Variants in WDR25 observed in about 807,000 individuals in gnomAD.
The protein encoded by WDR25 is WD repeat-containing protein 25.
Under a neutral mutation model 47.7 loss-of-function variants are expected in WDR25, and 35 were observed. The observed-to-expected ratio is 0.73, with a 90% CI of 0.56 to 0.97. WDR25 has a LOEUF of 0.97. Ranked by LOEUF, WDR25 falls within the 50% of genes least tolerant of loss-of-function variation. The pLI is 0.00. For synonymous variants in WDR25, 248 were observed against 278.9 expected (o/e 0.89, Z 1.10); for missense variants, 634 against 704.7 (o/e 0.90, Z 1.14).
intron 2 of WDR25, among the ~76,000 whole-genome samples, chr14:100,467,388 C>A (rs1899669315): frequency 6.6e-6 from 1 of 152,054 alleles, no homozygotes; most frequent in African/African-American, 2.4e-5. Context: ...CGCAGGTGAG[C>A]CTGGGATAGG....
rs888541156 is a variant in WDR25 at position 100,450,281 on chromosome 14, A to G, written c.823-17740A>G. ...CGCCAGTCCCCCAGGCTGTGTGACT[A>G]TGCCTTGCTCAGGCCCTCCCCACCT... On this transcript the variant is annotated intron_variant, in intron 2 of 6. Transcript: ENST00000402312. Among the ~76,000 whole-genome samples, 11 of 152,262 alleles carry G rather than the reference A, an allele frequency of 7.2e-5. No homozygotes were observed. The South Asian group carries it at 2.3e-3, about 32-fold the overall frequency.
In WDR25 at chr14:100,498,156, T is replaced by C. The variant is rs749952014; in HGVS notation, c.1101+14032T>C. 3.0e-4 allele frequency among the ~76,000 whole-genome samples: 45 copies of C among 152,238 alleles called. No individual in the cohort carries two copies. The highest frequency in any genetic ancestry group is 3.7e-4 in the Non-Finnish European group (25 of 68,044). On this transcript the variant is annotated intron_variant, in intron 4 of 6. Transcript: ENST00000402312. The surrounding 1 kb of genome is among the most constrained non-coding windows in gnomAD (Gnocchi z 4.2). ...GGCTGTGTGATTTTAAGCACACGGA[T>C]GTTCCATGTACCCTGTCAGTGGGCA...
In WDR25 at chr14:100,468,287, C is replaced by T. The variant is rs1360982254; in HGVS notation, c.970+119C>T. ...TTGCGTGGCAGAGGGAGAGGGGCCT[C>T]AGGGTGGGCTCGTGCTCGGTGAGAG... On this transcript the variant is annotated intron_variant, in intron 3 of 6. Coordinates refer to ENST00000402312, the MANE Select transcript of WDR25 (RefSeq NM_001161476.3). This position sits in a 1 kb window ranked among gnomAD's most constrained non-coding sequence, Gnocchi z 4.5. The T allele has an allele frequency of 2.8e-6, 4 of 1,443,696 alleles. No individual in the cohort carries two copies. The highest frequency in any genetic ancestry group is 3.7e-6 in the Non-Finnish European group (4 of 1,080,646). 89.4% of individuals were successfully genotyped at this position (1,443,696 alleles called of 1,614,324 possible).
At chr14:100,421,322 C>T (rs1214858720) in intron 2 of WDR25, among the ~76,000 whole-genome samples, 2 of 152,126 alleles carry the variant, frequency 1.3e-5, no homozygotes, top group Non-Finnish European at 2.9e-5. Context: ...TATTGGTCCC[C>T]CAGTCAGTCT....
rs564883595 is a variant in WDR25 at position 100,387,837 on chromosome 14, G to T, written c.822+6091G>T. 2.0e-5 allele frequency among the ~76,000 whole-genome samples: 3 copies of T among 152,348 alleles called. No individual in the cohort carries two copies. In the South Asian group the frequency reaches 6.2e-4, roughly 32 times the overall value. On this transcript the variant is annotated intron_variant, in intron 2 of 6. Transcript: ENST00000402312. ...CAGGTGGTGTCCAAGCTCTATCCCAGCTTCCAAATTTTGTGGTTCTGTTAA... is the reference window on the plus strand; with the variant it reads ...CAGGTGGTGTCCAAGCTCTATCCCATCTTCCAAATTTTGTGGTTCTGTTAA...
At position 100,502,204 on chromosome 14, in the gene WDR25, G is replaced by A. The variant is rs959733966; in HGVS notation, c.1101+18080G>A. On this transcript the variant is annotated intron_variant, in intron 4 of 6. Transcript: ENST00000402312. The surrounding 1 kb of genome is among the most constrained non-coding windows in gnomAD (Gnocchi z 4.5). Reference sequence around the variant, plus strand: ...TGCAGGCAGAGCCCCCCACTGTGGTGGCCCTTGCCCTCCCACTCAGCTCTG... The same window carrying A: ...TGCAGGCAGAGCCCCCCACTGTGGTAGCCCTTGCCCTCCCACTCAGCTCTG... 2.0e-5 allele frequency among the ~76,000 whole-genome samples: 3 copies of A among 152,158 alleles called. No homozygotes were observed. The highest frequency in any genetic ancestry group is 4.4e-5 in the Non-Finnish European group (3 of 68,002).
At chr14:100,512,163 C>T (rs550461610) in intron 4 of WDR25, among the ~76,000 whole-genome samples, 31 of 152,004 alleles carry the variant, frequency 2.0e-4, no homozygotes, top group Middle Eastern at 3.2e-3. Context: ...TGGAAGACTT[C>T]GTGTAAAAAT....
intron 2 of WDR25, among the ~76,000 whole-genome samples, chr14:100,432,804 G>A (rs1898377507): frequency 6.6e-6 from 1 of 152,204 alleles, no homozygotes; most frequent in Non-Finnish European, 1.5e-5. Context: ...TGAGAAATGC[G>A]TTGTTAGACA....
chr14:100,395,447 A>G (rs1174495261), intron 2 of WDR25, among the ~76,000 whole-genome samples: 1 of 152,162 alleles, frequency 6.6e-6, no homozygotes, highest in Non-Finnish European at 1.5e-5. Flanking sequence ...CAGCATCCGT[A>G]TGCCCCCTTT....
At chr14:100,441,474 G>A (rs946170048) in intron 2 of WDR25, among the ~76,000 whole-genome samples, 14 of 152,160 alleles carry the variant, frequency 9.2e-5, no homozygotes, top group African/African-American at 2.9e-4. Flanking sequence ...GAGCTCTCCA[G>A]GCAGATGCTG....
chr14:100,419,437 ACC>A (rs1375740432), intron 2 of WDR25, among the ~76,000 whole-genome samples: 3 of 152,076 alleles, frequency 2.0e-5, no homozygotes, highest in African/African-American at 7.2e-5. Context: ...GCAGATGATG[ACC>A]TTATTAACTA....
intron 2 of WDR25, among the ~76,000 whole-genome samples, chr14:100,405,871 T>C (rs537443150): frequency 6.6e-6 from 1 of 152,304 alleles, no homozygotes; most frequent in African/African-American, 2.4e-5. Flanking sequence ...TCTCTGTAAC[T>C]GGCCATTTGG....
intron 2 of WDR25, among the ~76,000 whole-genome samples, chr14:100,409,835 T>C (rs941145149): frequency 6.6e-6 from 1 of 152,210 alleles, no homozygotes; most frequent in Non-Finnish European, 1.5e-5. Context: ...AGTTAATAAA[T>C]TGCCTCTCGC....
At chr14:100,413,998 AT>A (rs34471579) in intron 2 of WDR25, among the ~76,000 whole-genome samples, 42,132 of 139,966 alleles carry the variant, frequency 0.3, 6,923 homozygotes, top group African/African-American at 0.49. Context: ...GAGGTAGTTC[AT>A]TTTTTTTTTT....
intron 2 of WDR25, among the ~76,000 whole-genome samples, chr14:100,465,836 G>T (rs1899611307): frequency 6.6e-6 from 1 of 152,152 alleles, no homozygotes; most frequent in South Asian, 2.1e-4. Flanking sequence ...AGTGGACAAG[G>T]GTTCCAGTTT....
Position 100,499,390 on chromosome 14 carries a change from A to G in WDR25, c.1101+15266A>G, listed in dbSNP as rs1263486709. On this transcript the variant is annotated intron_variant, in intron 4 of 6. Transcript: ENST00000402312. This position sits in a 1 kb window ranked among gnomAD's most constrained non-coding sequence, Gnocchi z 4.4. ...TTATAAGATTTCCAGTGGTTCCCTT[A>G]TTACAACACTAAGGCAAACTTCTCT... Among the ~76,000 whole-genome samples the G allele has an allele frequency of 2.0e-5, 3 of 152,220 alleles. No individual in the cohort carries two copies.
intron 3 of WDR25, among the ~76,000 whole-genome samples, chr14:100,479,987 G>T (rs1900147018): frequency 6.6e-6 from 1 of 152,210 alleles, no homozygotes; most frequent in Admixed American, 6.5e-5. Context: ...CGCAACCCCT[G>T]GTTCATGGAA....
intron 2 of WDR25, among the ~76,000 whole-genome samples, chr14:100,460,181 C>T (rs12436789): frequency 0.28 from 40,998 of 148,684 alleles, 6,259 homozygotes; most frequent in East Asian, 0.52. Context: ...GGCGCGATCT[C>T]GGCTTACTGC....
intron 2 of WDR25, among the ~76,000 whole-genome samples, chr14:100,409,777 GT>G (rs1360385344): frequency 6.6e-6 from 1 of 152,178 alleles, no homozygotes; most frequent in Non-Finnish European, 1.5e-5. Context: ...CTGGGTGAGA[GT>G]TAAGTACTTT....
Sources: allele counts gnomAD v4.1 joint callset (sites outside exome capture counted in the v4.1 genomes callset), GRCh38; gene constraint gnomAD v4.1.1; non-coding constraint Gnocchi (gnomAD v3.1); transcripts MANE v1.5; gene names NCBI Gene and HGNC (gene_info 2026-07-23, HGNC 2026-07-21).